Variants in STAG2 observed in about 807,000 individuals in gnomAD.
STAG2 encodes the protein STAG2 cohesin complex component, also known as cohesin subunit SA-2.
Under a neutral mutation model 108.1 loss-of-function variants are expected in STAG2, and 14 were observed. The observed-to-expected ratio is 0.13, with a 90% CI of 0.09 to 0.20. The LOEUF is 0.20. STAG2 is among the 10% of genes least tolerant of loss of function. The probability of loss-of-function intolerance (pLI) is 1.00; values close to 1 mark genes in which losing one functional copy is unlikely to be tolerated. For missense variants in STAG2, 440 were observed against 940.9 expected, an observed-to-expected ratio of 0.47 and a Z score of 6.96; for synonymous variants, 307 against 302.7, an observed-to-expected ratio of 1.01 and a Z score of -0.15.
intron 1 of STAG2, among the ~76,000 whole-genome samples, chrX:123,971,010 A>C (rs1234596592): frequency 8.9e-6 from 1 of 112,001 alleles, no homozygotes; most frequent in Non-Finnish European, 1.9e-5. Flanking sequence ...ATAATAGCAG[A>C]AACTAGGACT....
intron 1 of STAG2, among the ~76,000 whole-genome samples, chrX:123,965,200 T>C (rs192480691): frequency 8.9e-6 from 1 of 111,883 alleles, no homozygotes; most frequent in African/African-American, 3.2e-5. Context: ...TAAAGGAAAA[T>C]AGGTGACATA....
intron 14 of STAG2, among the ~76,000 whole-genome samples, chrX:124,056,948 A>G (rs2058223808): frequency 9.4e-6 from 1 of 106,128 alleles, no homozygotes. Context: ...TGGAGTGTGC[A>G]GTGGTGCGAT....
intron 1 of STAG2, among the ~76,000 whole-genome samples, chrX:123,989,368 G>T (rs2055337832): frequency 9.0e-6 from 1 of 110,656 alleles, no homozygotes; most frequent in African/African-American, 3.3e-5. Flanking sequence ...AATCATAAAC[G>T]AATTGAATTA....
chrX:124,032,497 T>C (rs1212397038), intron 5 of STAG2, among the ~76,000 whole-genome samples: 1 of 111,138 alleles, frequency 9.0e-6, no homozygotes, highest in Non-Finnish European at 1.9e-5. Context: ...TTTCAACTTT[T>C]AGATACAGGG....
At chrX:124,058,154 C>CTTTTTTTTTTTT (rs999044036) in intron 15 of STAG2, among the ~76,000 whole-genome samples, 177 bp downstream of exon 15, 3 of 72,965 alleles carry the variant, frequency 4.1e-5, no homozygotes, top group Non-Finnish European at 7.8e-5. Flanking sequence ...TACTTTTCTT[C>CTTTTTTTTTTTT]TTTTTTTTTT....
At chrX:123,986,145 T>C (rs1013917391) in intron 1 of STAG2, among the ~76,000 whole-genome samples, 1 of 106,770 alleles carries the variant, frequency 9.4e-6, no homozygotes, top group African/African-American at 3.4e-5. Flanking sequence ...ATCATATATG[T>C]ATATATGATA....
chrX:123,976,062 C>G (rs1402185768), intron 1 of STAG2, among the ~76,000 whole-genome samples: 1 of 111,547 alleles, frequency 9.0e-6, no homozygotes, highest in Non-Finnish European at 1.9e-5. Context: ...AGGTAGGAGC[C>G]CAGGAGTTCC....
chrX:123,980,085 G>A (rs910517248), intron 1 of STAG2, among the ~76,000 whole-genome samples: 7 of 111,904 alleles, frequency 6.3e-5, no homozygotes, highest in African/African-American at 2.3e-4. Context: ...TTGCAATAAT[G>A]TGTGTAGTTG....
intron 1 of STAG2, among the ~76,000 whole-genome samples, chrX:124,002,337 T>TA (rs1267988898): frequency 8.9e-6 from 1 of 112,193 alleles, no homozygotes; most frequent in Non-Finnish European, 1.9e-5. Flanking sequence ...AGTAAAATCT[T>TA]ACAATAGTAG....
At chrX:124,068,125 A>G (rs951050073) in intron 23 of STAG2, among the ~76,000 whole-genome samples, 6 of 111,933 alleles carry the variant, frequency 5.4e-5, no homozygotes, top group African/African-American at 1.6e-4. Context: ...GAGTTTTTAT[A>G]AAATACAGCA....
intron 13 of STAG2, among the ~76,000 whole-genome samples, chrX:124,055,008 C>G (rs1428121472): frequency 9.0e-6 from 1 of 111,201 alleles, no homozygotes; most frequent in African/African-American, 3.3e-5. Context: ...CTCAAGTGAT[C>G]CACCCACTTC....
intron 13 of STAG2, 148 bp downstream of exon 13, chrX:124,051,542 G>A: frequency 2.7e-6 from 1 of 373,582 alleles, no homozygotes; most frequent in Admixed American, 5.5e-5. Context: ...TTCATGTATA[G>A]TTGAGAAAAC....
intron 1 of STAG2, among the ~76,000 whole-genome samples, chrX:123,979,735 C>G (rs898067075): frequency 2.7e-5 from 3 of 111,225 alleles, no homozygotes; most frequent in African/African-American, 9.8e-5. Context: ...AAAGCTGCTG[C>G]TTCTTACTTA....
intron 5 of STAG2, among the ~76,000 whole-genome samples, chrX:124,033,644 C>G (rs769138658): frequency 9.9e-5 from 11 of 111,125 alleles, no homozygotes; most frequent in Non-Finnish European, 1.7e-4. Context: ...CACCTGTAAT[C>G]TCAGCTACTC....
intron 29 of STAG2, 62 bp downstream of exon 29, chrX:124,083,611 A>G (rs2059018797): frequency 4.1e-6 from 4 of 970,266 alleles, no homozygotes; most frequent in Non-Finnish European, 5.5e-6. Flanking sequence ...GGCAATTTTT[A>G]TACTTGGTTT....
At chrX:124,074,803 G>C (rs2058758628) in intron 25 of STAG2, among the ~76,000 whole-genome samples, 1 of 111,779 alleles carries the variant, frequency 8.9e-6, no homozygotes, top group Non-Finnish European at 1.9e-5. Flanking sequence ...CATTAGTGGA[G>C]AAAAATAAAA....
intron 13 of STAG2, 30 bp downstream of exon 13, chrX:124,051,424 T>A: frequency 9.3e-7 from 1 of 1,071,418 alleles, no homozygotes; most frequent in Non-Finnish European, 1.3e-6. Flanking sequence ...ATATTTGCAC[T>A]AATGTTCAGA....
At chrX:124,040,349 T>C (rs1436964145) in intron 6 of STAG2, among the ~76,000 whole-genome samples, 4 of 111,228 alleles carry the variant, frequency 3.6e-5, no homozygotes, top group Non-Finnish European at 5.6e-5. Context: ...TTTTCTTTTT[T>C]TCTTTCTCTT....
chrX:124,071,071 A>G, intron 24 of STAG2, 78 bp from the exon 25 acceptor site: 3 of 779,758 alleles, frequency 3.8e-6, no homozygotes, highest in South Asian at 4.5e-5. Flanking sequence ...TCTGTGTTAA[A>G]TATGTAAATT....
Sources: allele counts gnomAD v4.1 joint callset (sites outside exome capture counted in the v4.1 genomes callset), GRCh38; gene constraint gnomAD v4.1.1; transcripts MANE v1.5; gene names NCBI Gene and HGNC (gene_info 2026-07-23, HGNC 2026-07-21).